DPP10: variants seen among roughly 807,000 people sequenced by gnomAD.
DPP10 encodes the protein dipeptidyl peptidase like 10.
Under a neutral mutation model 120.9 loss-of-function variants are expected in DPP10, and 33 were observed. The observed-to-expected ratio is 0.27, with a 90% CI of 0.21 to 0.37. The LOEUF (loss-of-function observed/expected upper bound fraction) is 0.37, where lower values mean the gene tolerates loss of function less well. DPP10 is among the 10% of genes least tolerant of loss of function. The pLI is 1.00. For synonymous variants in DPP10, 337 were observed against 326.1 expected (o/e 1.03, Z -0.36); for missense variants, 816 against 942.8 (o/e 0.87, Z 1.76).
At chr2:115,811,799 C>T (rs533718225) in intron 19 of DPP10, among the ~76,000 whole-genome samples, 11 of 152,054 alleles carry the variant, frequency 7.2e-5, no homozygotes, top group Non-Finnish European at 1.2e-4. Flanking sequence ...AATGGGATTA[C>T]CTCTGACATA....
intron 1 of DPP10, among the ~76,000 whole-genome samples, chr2:114,604,985 A>G (rs1407717531): frequency 1.3e-5 from 2 of 152,114 alleles, no homozygotes; most frequent in African/African-American, 4.8e-5. Flanking sequence ...TTCTTGAATG[A>G]GCATCTCTTC....
intron 1 of DPP10, among the ~76,000 whole-genome samples, chr2:114,533,287 T>C (rs1686197505): frequency 6.6e-6 from 1 of 152,208 alleles, no homozygotes. Context: ...TCCTTTCTCC[T>C]ATGTTGAATG....
chr2:114,554,298 C>A (rs1277406550), intron 1 of DPP10, among the ~76,000 whole-genome samples: 1 of 152,192 alleles, frequency 6.6e-6, no homozygotes, highest in African/African-American at 2.4e-5. Context: ...GATGCCAGCG[C>A]TTGGCTCAGG....
intron 1 of DPP10, among the ~76,000 whole-genome samples, chr2:114,598,875 A>G (rs773057191): frequency 1.3e-4 from 20 of 151,984 alleles, no homozygotes; most frequent in Non-Finnish European, 2.7e-4. Flanking sequence ...AGGGGCAGAT[A>G]TACATTCAAA....
At chr2:115,421,698 C>T (rs977517528) in intron 3 of DPP10, among the ~76,000 whole-genome samples, 6 of 151,730 alleles carry the variant, frequency 4.0e-5, no homozygotes, top group African/African-American at 1.5e-4. Flanking sequence ...TGGTGAAACC[C>T]TGTCTCTACT....
intron 5 of DPP10, among the ~76,000 whole-genome samples, chr2:115,541,104 A>C (rs1282165261): frequency 1.3e-5 from 2 of 151,960 alleles, no homozygotes; most frequent in East Asian, 3.9e-4. Context: ...CATGATGTTT[A>C]TGTAGAATAT....
intron 3 of DPP10, among the ~76,000 whole-genome samples, chr2:115,455,837 A>C (rs1458801270): frequency 6.6e-6 from 1 of 152,182 alleles, no homozygotes; most frequent in East Asian, 1.9e-4. Context: ...TAAAGACTTA[A>C]ACATAAGACT....
intron 1 of DPP10, among the ~76,000 whole-genome samples, chr2:114,701,232 C>T (rs1700367767): frequency 6.6e-6 from 1 of 152,090 alleles, no homozygotes; most frequent in Admixed American, 6.6e-5. Flanking sequence ...AGGTGCCATG[C>T]TTAATGCTCC....
At chr2:115,827,652 A>G (rs1048899761) in intron 21 of DPP10, among the ~76,000 whole-genome samples, 3 of 150,758 alleles carry the variant, frequency 2.0e-5, no homozygotes, top group Admixed American at 6.6e-5. Context: ...CTGGAGTGCA[A>G]TGGTGTGATC....
At chr2:115,277,343 T>C (rs952354587) in intron 1 of DPP10, among the ~76,000 whole-genome samples, 1 of 152,028 alleles carries the variant, frequency 6.6e-6, no homozygotes, top group African/African-American at 2.4e-5. Context: ...TTCCAGACTT[T>C]AAGACTGTCA....
intron 19 of DPP10, among the ~76,000 whole-genome samples, chr2:115,806,840 C>T (rs1280313385): frequency 4.0e-5 from 6 of 150,950 alleles, no homozygotes; most frequent in African/African-American, 1.2e-4. Flanking sequence ...ATCTAAATTG[C>T]CCCCCCACCC....
chr2:115,669,973 G>C (rs2089740657), intron 5 of DPP10, among the ~76,000 whole-genome samples: 1 of 152,086 alleles, frequency 6.6e-6, no homozygotes, highest in Non-Finnish European at 1.5e-5. Flanking sequence ...ACCACAGATG[G>C]GTAGCTTAAG....
intron 1 of DPP10, among the ~76,000 whole-genome samples, chr2:114,960,415 TCTGTGGAAATAA>T (rs1698525873): frequency 6.6e-6 from 1 of 150,532 alleles, no homozygotes; most frequent in South Asian, 2.1e-4. Context: ...TGACCAGTGA[TCTGTGGAAATAA>T]CTGCTGGAAA....
At chr2:115,369,177 A>C (rs1310374649) in intron 3 of DPP10, among the ~76,000 whole-genome samples, 1 of 152,082 alleles carries the variant, frequency 6.6e-6, no homozygotes, top group African/African-American at 2.4e-5. Flanking sequence ...TGCTACCCAG[A>C]CAGTGTGATT....
chr2:115,330,125 C>T (rs996499346), intron 2 of DPP10, among the ~76,000 whole-genome samples: 7 of 151,584 alleles, frequency 4.6e-5, no homozygotes, highest in African/African-American at 1.7e-4. Context: ...TTAATGATCG[C>T]CATTCTAACT....
intron 8 of DPP10, 109 bp from the exon 9 acceptor site, chr2:115,739,630 C>T: frequency 1.7e-6 from 2 of 1,157,406 alleles, no homozygotes; most frequent in South Asian, 3.2e-5. Flanking sequence ...AAATTCAATA[C>T]ACAGTCTAGA....
chr2:114,755,951 T>TAAAAAAAAAAAAAAAAAAAAAAAA (rs57668109), intron 1 of DPP10, among the ~76,000 whole-genome samples: 1 of 129,740 alleles, frequency 7.7e-6, no homozygotes, highest in African/African-American at 2.9e-5. Flanking sequence ...AGGAAGAAAT[T>TAAAAAAAAAAAAAAAAAAAAAAAA]AAAAAAAAAA....
intron 4 of DPP10, among the ~76,000 whole-genome samples, chr2:115,514,906 A>G (rs553854130): frequency 9.2e-5 from 14 of 152,004 alleles, no homozygotes; most frequent in South Asian, 2.1e-4. Flanking sequence ...ATGTTTGTAT[A>G]TATCTTCATG....
chr2:115,173,784 G>GT (rs2053524910), intron 1 of DPP10, among the ~76,000 whole-genome samples: 1 of 152,116 alleles, frequency 6.6e-6, no homozygotes, highest in Non-Finnish European at 1.5e-5. Context: ...CCTTTAAGAT[G>GT]TACATATATT....
Sources: gnomAD v4.1 joint callset for allele counts (sites outside exome capture counted in the v4.1 genomes callset) on GRCh38, gnomAD v4.1.1 for gene constraint, MANE v1.5 for transcripts, NCBI Gene and HGNC (gene_info 2026-07-23, HGNC 2026-07-21) for gene names.